RUSC2: variants seen among roughly 807,000 people sequenced by gnomAD.
RUSC2 encodes the protein RUN and SH3 domain containing 2, also known as AP-4 complex accessory subunit RUSC2.
RUSC2 carries 34 observed loss-of-function variants against 122.2 expected under a neutral mutation model. The observed-to-expected ratio is 0.28, with a 90% CI of 0.21 to 0.37. The LOEUF (loss-of-function observed/expected upper bound fraction) is 0.37. RUSC2 is among the 10% of genes least tolerant of loss of function. RUSC2 has a pLI of 1.00. For synonymous variants in RUSC2, 784 were observed against 790.0 expected (o/e 0.99, Z 0.13); for missense variants, 1,747 against 1,952.4 (o/e 0.89, Z 1.98).
chr9:35,492,647 C>T (rs554647870), intron 1 of RUSC2, among the ~76,000 whole-genome samples: 6 of 150,256 alleles, frequency 4.0e-5, no homozygotes, highest in Non-Finnish European at 8.9e-5. Context: ...AGAACCTGTG[C>T]TGTACCATAT....
chr9:35,495,829 G>A (rs1374542826), intron 1 of RUSC2, among the ~76,000 whole-genome samples: 1 of 152,018 alleles, frequency 6.6e-6, no homozygotes, highest in Non-Finnish European at 1.5e-5. Context: ...ATTTATTTAT[G>A]TCTAATTTCT....
intron 1 of RUSC2, among the ~76,000 whole-genome samples, chr9:35,496,815 G>A (rs1820724510): frequency 6.6e-6 from 1 of 152,098 alleles, no homozygotes. Context: ...TGCACTACAT[G>A]GTGTTATTGT....
At chr9:35,541,726 T>A (rs1293350308) in intron 1 of RUSC2, among the ~76,000 whole-genome samples, 1 of 152,086 alleles carries the variant, frequency 6.6e-6, no homozygotes, top group African/African-American at 2.4e-5. Flanking sequence ...ATTACAGGTG[T>A]GAGCCCCCAT....
chr9:35,526,211 T>C (rs1347964247), intron 1 of RUSC2, among the ~76,000 whole-genome samples: 5 of 152,170 alleles, frequency 3.3e-5, no homozygotes, highest in Non-Finnish European at 7.3e-5. Context: ...CTGCTTTATT[T>C]TGAGCACCCT....
intron 1 of RUSC2, among the ~76,000 whole-genome samples, chr9:35,538,142 C>A (rs531729616): frequency 6.6e-6 from 1 of 152,288 alleles, no homozygotes; most frequent in South Asian, 2.1e-4. Context: ...TTCACACAAA[C>A]CCAGCTGGAC....
intron 1 of RUSC2, among the ~76,000 whole-genome samples, chr9:35,501,976 C>T (rs1820824884): frequency 6.6e-6 from 1 of 151,966 alleles, no homozygotes; most frequent in Non-Finnish European, 1.5e-5. Context: ...GTTTATACTT[C>T]TAAAAAATAT....
intron 1 of RUSC2, among the ~76,000 whole-genome samples, chr9:35,536,808 CAAAAA>C (rs67604535): frequency 4.3e-5 from 3 of 69,626 alleles, no homozygotes; most frequent in African/African-American, 6.4e-5. Context: ...GAGTGAAACT[CAAAAA>C]AAAAAAAAAA....
At chr9:35,516,022 A>AAAG (rs1554724501) in intron 1 of RUSC2, among the ~76,000 whole-genome samples, 19 of 127,196 alleles carry the variant, frequency 1.5e-4, no homozygotes, top group South Asian at 5.1e-4. Context: ...AAAAAAAAAA[A>AAAG]AGAGAAATGC....
At chr9:35,513,292 G>A (rs1322517904) in intron 1 of RUSC2, among the ~76,000 whole-genome samples, 1 of 152,024 alleles carries the variant, frequency 6.6e-6, no homozygotes, top group Admixed American at 6.6e-5. Flanking sequence ...TTCCAGGCTG[G>A]AGTACAATGG....
chr9:35,513,921 T>TAA (rs1186743063), intron 1 of RUSC2, among the ~76,000 whole-genome samples: 1 of 144,404 alleles, frequency 6.9e-6, no homozygotes, highest in Non-Finnish European at 1.5e-5. Context: ...TATATATATA[T>TAA]ATATATATAT....
chr9:35,547,474 G>C lies in RUSC2; in HGVS notation c.953G>C (p.Gly318Ala), dbSNP rs765281972. The C allele has an allele frequency of 1.2e-6, 2 of 1,614,156 alleles. No homozygotes were observed. Among genetic ancestry groups the C allele is most frequent in the African/African-American group, 2.7e-5 (2 of 75,024 alleles). Residue 318 changes from glycine to alanine, a missense_variant, in exon 2 of 12, where the codon GGC (glycine) becomes GCC (alanine). Physicochemically the swap from Gly to Ala is moderately conservative, Grantham distance 60 (BLOSUM62 0). Transcript: ENST00000361226. This position sits in a 1 kb window ranked among gnomAD's most constrained non-coding sequence, Gnocchi z 4.6. ...DSSFCSHSDPGAFYLDLQPSP... is the reference protein window; with the variant it reads ...DSSFCSHSDPAAFYLDLQPSP... The stretch of plus-strand genomic sequence containing the variant: ...TCCTTCTGCAGCCACTCAGACCCTG[G>C]CGCCTTCTATCTGGATCTGCAGCCC...
intron 1 of RUSC2, among the ~76,000 whole-genome samples, chr9:35,493,851 C>T (rs935112390): frequency 2.0e-5 from 3 of 152,108 alleles, no homozygotes; most frequent in African/African-American, 7.2e-5. Flanking sequence ...TGTATGTATA[C>T]ACTATATTCT....
At chr9:35,561,152 T>TC (rs1822157062) in intron 11 of RUSC2, 29 bp from the exon 12 acceptor site, 2 of 1,613,540 alleles carry the variant, frequency 1.2e-6, no homozygotes, top group East Asian at 2.2e-5. Context: ...TGAGGGGGTT[T>TC]CTCTGACCTC....
intron 1 of RUSC2, among the ~76,000 whole-genome samples, chr9:35,538,215 C>T (rs187157278): frequency 6.6e-6 from 1 of 152,236 alleles, no homozygotes; most frequent in African/African-American, 2.4e-5. Context: ...TCAGCCACAG[C>T]GAGTAGACCT....
intron 1 of RUSC2, among the ~76,000 whole-genome samples, chr9:35,525,767 C>T (rs1821312367): frequency 6.6e-6 from 1 of 152,128 alleles, no homozygotes; most frequent in Non-Finnish European, 1.5e-5. Flanking sequence ...CCACTGCACT[C>T]CAGCAAGCCT....
intron 2 of RUSC2, chr9:35,549,129 A>T: frequency 1.0e-6 from 1 of 985,374 alleles, no homozygotes; most frequent in Non-Finnish European, 1.2e-6. Flanking sequence ...ACTGATTCTG[A>T]ACCTGGATGA....
chr9:35,540,529 G>C (rs1025774439), intron 1 of RUSC2, among the ~76,000 whole-genome samples: 7 of 152,302 alleles, frequency 4.6e-5, no homozygotes, highest in Admixed American at 4.6e-4. Context: ...AAGTGTCTAG[G>C]AATGTGAACC....
Position 35,561,023 on chromosome 9 carries a change from T to C in RUSC2, c.4275T>C (p.Gly1425=), listed in dbSNP as rs1412113288. ...TCCAACTAGTGGCGCAGACAGTGGG[T>C]TCCCGCCGGGAGCCAGAGCCCAAGG... ...SMFQLVAQTV[G]SRREPEPKES... Residue 1425 remains glycine, a synonymous_variant, in exon 11 of 12, where the codon GGT becomes GGC. Transcript: ENST00000361226. 1 of 1,614,186 alleles carries C rather than the reference T, an allele frequency of 6.2e-7. No individual in the cohort carries two copies. The highest frequency in any genetic ancestry group is 1.1e-5 in the South Asian group (1 of 91,084).
In RUSC2 at chr9:35,561,113, CG is replaced by C. The variant is rs777111495; in HGVS notation, c.4349+18del. On this transcript the variant is annotated intron_variant, in intron 11 of 11. Transcript: ENST00000361226. ...GTCCTCCGTGGTAAGCCTGGGGAAA[CG>C]GAAGGGCTGAGGGGGGCGGGGGGCT... The C allele has an allele frequency of 6.2e-7, 1 of 1,613,714 alleles. No individual in the cohort carries two copies. Among genetic ancestry groups the C allele is most frequent in the Non-Finnish European group, 8.5e-7 (1 of 1,179,746 alleles).
Sources: gnomAD v4.1 joint callset for allele counts (sites outside exome capture counted in the v4.1 genomes callset) on GRCh38, gnomAD v4.1.1 for gene constraint, Gnocchi (gnomAD v3.1) non-coding constraint, MANE v1.5 for transcripts, NCBI Gene and HGNC (gene_info 2026-07-23, HGNC 2026-07-21) for gene names.